Variants in SLC25A33 observed in about 807,000 individuals in gnomAD.
The protein encoded by SLC25A33 is solute carrier family 25 member 33.
SLC25A33 carries 15 observed loss-of-function variants against 35.5 expected under a neutral mutation model. The observed-to-expected ratio is 0.42, with a 90% CI of 0.28 to 0.65. The LOEUF (loss-of-function observed/expected upper bound fraction) is 0.65. SLC25A33 is among the 30% of genes least tolerant of loss of function. SLC25A33 has a pLI of 0.20. For synonymous variants in SLC25A33, 136 were observed against 148.7 expected (o/e 0.91, Z 0.62); for missense variants, 257 against 398.5 (o/e 0.64, Z 3.02).
intron 2 of SLC25A33, among the ~76,000 whole-genome samples, chr1:9,556,666 T>G (rs1327890162): frequency 6.6e-6 from 1 of 151,812 alleles, no homozygotes; most frequent in Non-Finnish European, 1.5e-5. Context: ...TAAGAGATTG[T>G]GTGTGTGTCT....
chr1:9,546,544 G>A (rs1024421256), intron 1 of SLC25A33, among the ~76,000 whole-genome samples: 1 of 152,032 alleles, frequency 6.6e-6, no homozygotes, highest in African/African-American at 2.4e-5. Context: ...ATTACCTTAG[G>A]AGCAAAATTA....
At chr1:9,551,228 C>CA (rs1643262739) in intron 1 of SLC25A33, among the ~76,000 whole-genome samples, 3 of 151,780 alleles carry the variant, frequency 2.0e-5, no homozygotes, top group Non-Finnish European at 4.4e-5. Flanking sequence ...ACTAAAAATA[C>CA]AAAAAAATAC....
At chr1:9,552,822 G>A (rs1303959500) in intron 1 of SLC25A33, among the ~76,000 whole-genome samples, 1 of 152,026 alleles carries the variant, frequency 6.6e-6, no homozygotes, top group Admixed American at 6.6e-5. Flanking sequence ...ATACTGGGAA[G>A]GGGTTAGGTG....
At chr1:9,548,991 C>T (rs1643220465) in intron 1 of SLC25A33, among the ~76,000 whole-genome samples, 1 of 152,174 alleles carries the variant, frequency 6.6e-6, no homozygotes, top group African/African-American at 2.4e-5. Flanking sequence ...TTGTCCCCAA[C>T]TCTGTCCCCG....
At chr1:9,573,608 A>G (rs1434312567) in intron 5 of SLC25A33, among the ~76,000 whole-genome samples, 196 bp downstream of exon 5, 1 of 152,142 alleles carries the variant, frequency 6.6e-6, no homozygotes, top group East Asian at 1.9e-4. Context: ...GGCGACAGAG[A>G]TGACAAACAG....
At chr1:9,576,565 C>A in intron 5 of SLC25A33, 1 of 556,048 alleles carries the variant, frequency 1.8e-6, no homozygotes, top group South Asian at 1.4e-5. Context: ...AGAACTCAGT[C>A]TAAAGAGGCT....
At chr1:9,579,799 C>T (rs1289048356) in intron 5 of SLC25A33, among the ~76,000 whole-genome samples, 155 bp from the exon 6 acceptor site, 1 of 152,160 alleles carries the variant, frequency 6.6e-6, no homozygotes, top group Non-Finnish European at 1.5e-5. Context: ...TCACACACCC[C>T]ACATAACGAA....
At chr1:9,540,089 C>T (rs1643054771) in intron 1 of SLC25A33, among the ~76,000 whole-genome samples, 2 of 152,176 alleles carry the variant, frequency 1.3e-5, no homozygotes, top group African/African-American at 2.4e-5. Flanking sequence ...GCGGCCCCCC[C>T]TCCCCCGCCC....
chr1:9,558,739 C>G (rs2100387188), intron 2 of SLC25A33, among the ~76,000 whole-genome samples: 1 of 152,316 alleles, frequency 6.6e-6, no homozygotes, highest in African/African-American at 2.4e-5. Context: ...TCCTCCACCA[C>G]TGTCCTGATG....
At chr1:9,580,655 A>C (rs1195517964) in intron 6 of SLC25A33, among the ~76,000 whole-genome samples, 1 of 152,044 alleles carries the variant, frequency 6.6e-6, no homozygotes, top group Non-Finnish European at 1.5e-5. Flanking sequence ...CAAGGGATTG[A>C]GACCAGCCTG....
At chr1:9,577,872 A>G (rs1193734893) in intron 5 of SLC25A33, among the ~76,000 whole-genome samples, 1 of 152,168 alleles carries the variant, frequency 6.6e-6, no homozygotes, top group East Asian at 1.9e-4. Context: ...CTTCTCCCCA[A>G]ACTGAATAGT....
chr1:9,573,083 A>T (rs1182502889), intron 4 of SLC25A33, among the ~76,000 whole-genome samples: 3 of 152,128 alleles, frequency 2.0e-5, no homozygotes, highest in African/African-American at 7.2e-5. Flanking sequence ...AGATATCAAC[A>T]CCACCACCTA....
chr1:9,582,498 G>A lies in SLC25A33; in HGVS notation c.963G>A (p.Gln321=). 1 of 1,609,688 alleles carries A rather than the reference G, an allele frequency of 6.2e-7. No homozygotes were observed. The highest frequency in any genetic ancestry group is 8.5e-7 in the Non-Finnish European group (1 of 1,177,172). ...TGTACCTGTTAGAAGACCGTACTCA[G>A]TAACAGGCCGGAAAATTGTGCTCTA... The part of the protein sequence containing the change: ...LIVYLLEDRT[Q] The change falls in exon 7 of 7, where the codon CAG becomes CAA. Residue 321 remains glutamine (Q), a synonymous_variant. Coordinates refer to ENST00000302692, the MANE Select transcript of SLC25A33 (RefSeq NM_032315.3). This position sits in a 1 kb window ranked among gnomAD's most constrained non-coding sequence, Gnocchi z 4.0.
At position 9,550,190 on chromosome 1, in the gene SLC25A33, C is replaced by T. The variant is rs1193921587; in HGVS notation, c.57-3436C>T. Among the ~76,000 whole-genome samples, 21 of 142,990 alleles carry T rather than the reference C, an allele frequency of 1.5e-4. No individual in the cohort carries two copies. In the Admixed American group the frequency reaches 1.5e-3, roughly 10 times the overall value. The allele number at this position is 142,990 out of a possible 152,430, so 93.8% of individuals were successfully genotyped here. A position where few individuals can be genotyped will look rare whatever the true frequency, so the allele number is the denominator to read the frequency against. On this transcript the variant is annotated intron_variant, in intron 1 of 6. Transcript: ENST00000302692. ...TAATTTGTTTTTGTTTTTGTAGAGA[C>T]AGGACTCCAGCCTGGGTAACAGAGG...
intron 2 of SLC25A33, among the ~76,000 whole-genome samples, chr1:9,554,353 ATGTT>A (rs1210773987): frequency 1.6e-4 from 25 of 151,718 alleles, no homozygotes; most frequent in African/African-American, 2.4e-4. Flanking sequence ...AAGAAACAAA[ATGTT>A]TGTTTGTTTG....
At chr1:9,573,575 T>C (rs1332586388) in intron 5 of SLC25A33, among the ~76,000 whole-genome samples, 163 bp downstream of exon 5, 1 of 152,134 alleles carries the variant, frequency 6.6e-6, no homozygotes, top group Non-Finnish European at 1.5e-5. Flanking sequence ...AGGTTTGTGC[T>C]ATAAGCATCA....
rs1243572073 is a variant in SLC25A33 at position 9,583,145 on chromosome 1, G to A, written c.*644G>A. 1.3e-5 allele frequency: 2 copies of A among 152,086 alleles called. No homozygotes were observed. The highest frequency in any genetic ancestry group is 2.9e-5 in the Non-Finnish European group (2 of 68,048). 9.4% of individuals were successfully genotyped at this position (152,086 alleles called of 1,614,324 possible). A position where few individuals can be genotyped will look rare whatever the true frequency, so the allele number is the denominator to read the frequency against. On this transcript the variant is annotated 3_prime_UTR_variant, in exon 7 of 7. Coordinates refer to ENST00000302692, the MANE Select transcript of SLC25A33 (RefSeq NM_032315.3). Reference sequence around the variant, plus strand: ...GGCAGGAGAATCACTTGAAACCCAGGGGGCAGAGGTTGCAGCGAGCTGAGA... The same window carrying A: ...GGCAGGAGAATCACTTGAAACCCAGAGGGCAGAGGTTGCAGCGAGCTGAGA...
chr1:9,551,328 G>C (rs897268295), intron 1 of SLC25A33, among the ~76,000 whole-genome samples: 1 of 152,002 alleles, frequency 6.6e-6, no homozygotes, highest in Non-Finnish European at 1.5e-5. Flanking sequence ...AACTGAAATC[G>C]CACCACTGCA....
intron 1 of SLC25A33, among the ~76,000 whole-genome samples, chr1:9,540,589 T>C (rs1643064995): frequency 6.6e-6 from 1 of 152,136 alleles, no homozygotes; most frequent in Admixed American, 6.6e-5. Context: ...TCTTTTTTCC[T>C]TTATCACAGC....
Sources: gnomAD v4.1 joint callset for allele counts (sites outside exome capture counted in the v4.1 genomes callset) on GRCh38, gnomAD v4.1.1 for gene constraint, Gnocchi (gnomAD v3.1) non-coding constraint, MANE v1.5 for transcripts, NCBI Gene and HGNC (gene_info 2026-07-23, HGNC 2026-07-21) for gene names.